CNTN4: variants seen among roughly 807,000 people sequenced by gnomAD.
The protein encoded by CNTN4 is contactin-4.
CNTN4 carries 77 observed loss-of-function variants against 122.5 expected under a neutral mutation model. The ratio of observed to expected loss-of-function variants is 0.63; its 90% CI spans 0.52 to 0.76. CNTN4 has a LOEUF of 0.76. CNTN4 is among the 30% of genes least tolerant of loss of function. The probability of loss-of-function intolerance (pLI) is 0.00; values close to 1 mark genes in which losing one functional copy is unlikely to be tolerated. For missense variants in CNTN4, 1,256 were observed against 1,259.1 expected (o/e 1.00, Z 0.04); for synonymous variants, 512 against 447.0 (o/e 1.15, Z -1.83).
intron 4 of CNTN4, among the ~76,000 whole-genome samples, chr3:2,572,772 C>G (rs1170709360): frequency 6.6e-6 from 1 of 152,168 alleles, no homozygotes; most frequent in African/African-American, 2.4e-5. Flanking sequence ...TAATCCTGAT[C>G]AAAACAGACA....
At chr3:2,188,963 A>G (rs192421505) in intron 2 of CNTN4, among the ~76,000 whole-genome samples, 117 of 152,248 alleles carry the variant, frequency 7.7e-4, no homozygotes, top group Admixed American at 7.6e-3. Context: ...GGGAGATGCT[A>G]TGTACACTGC....
chr3:2,961,987 G>A lies in CNTN4; in HGVS notation c.1359-26358G>A, dbSNP rs188663323. Among the ~76,000 whole-genome samples the A allele has an allele frequency of 5.3e-5, 8 of 152,170 alleles. No homozygotes were observed. In the East Asian group the frequency reaches 1.5e-3, roughly 29 times the overall value. On this transcript the variant is annotated intron_variant, in intron 13 of 24. Transcript: ENST00000418658. ...TTCATCAAAGTCTTTTTAAGCTTGG[G>A]GAAAATAGACTTGTCAAAAACATGT...
intron 13 of CNTN4, among the ~76,000 whole-genome samples, chr3:2,959,303 C>G (rs1289052920): frequency 6.6e-6 from 1 of 152,118 alleles, no homozygotes; most frequent in Non-Finnish European, 1.5e-5. Context: ...GTTTTCAGAG[C>G]AAGTTTTCAG....
In CNTN4 at chr3:2,385,485, T is replaced by C. The variant is rs1189442767; in HGVS notation, c.-89+46252T>C. On this transcript the variant is annotated intron_variant, in intron 3 of 24. Transcript: ENST00000418658. This position sits in a 1 kb window ranked among gnomAD's most constrained non-coding sequence, Gnocchi z 4.0. ...TTAGGACTGCCACAGCAAAGTACCA[T>C]ACACAGGGTGACTTAAAATGACAGA... 2.0e-5 allele frequency among the ~76,000 whole-genome samples: 3 copies of C among 152,082 alleles called. No individual in the cohort carries two copies. The highest frequency in any genetic ancestry group is 4.8e-5 in the African/African-American group (2 of 41,450).
chr3:2,219,199 A>G (rs948666984), intron 2 of CNTN4, among the ~76,000 whole-genome samples: 2 of 152,144 alleles, frequency 1.3e-5, no homozygotes, highest in African/African-American at 2.4e-5. Flanking sequence ...AGGGTTAGTG[A>G]TTTATATTTT....
At chr3:2,126,345 C>T (rs1473112037) in intron 2 of CNTN4, among the ~76,000 whole-genome samples, 1 of 152,128 alleles carries the variant, frequency 6.6e-6, no homozygotes, top group Non-Finnish European at 1.5e-5. Flanking sequence ...TTCAGGGTGT[C>T]ACAGATTTCC....
At chr3:2,459,466 C>G (rs1040524961) in intron 3 of CNTN4, among the ~76,000 whole-genome samples, 1 of 152,032 alleles carries the variant, frequency 6.6e-6, no homozygotes, top group African/African-American at 2.4e-5. Context: ...CATCATTATT[C>G]CATCTACAGC....
intron 2 of CNTN4, among the ~76,000 whole-genome samples, chr3:2,333,522 C>G (rs1044596014): frequency 6.6e-6 from 1 of 152,104 alleles, no homozygotes; most frequent in African/African-American, 2.4e-5. Context: ...TTATTGTACC[C>G]AATGAAAGTC....
intron 2 of CNTN4, among the ~76,000 whole-genome samples, chr3:2,205,524 T>G (rs963005507): frequency 6.6e-6 from 1 of 152,034 alleles, no homozygotes; most frequent in Non-Finnish European, 1.5e-5. Context: ...TGGAACTGGT[T>G]TGGGCCTCAA....
At chr3:2,639,759 A>G (rs2082821392) in intron 4 of CNTN4, among the ~76,000 whole-genome samples, 1 of 152,196 alleles carries the variant, frequency 6.6e-6, no homozygotes, top group Non-Finnish European at 1.5e-5. Flanking sequence ...TACTACTGCT[A>G]TTTCTATAAA....
intron 13 of CNTN4, among the ~76,000 whole-genome samples, chr3:2,957,917 T>C (rs968654729): frequency 1.3e-5 from 2 of 152,210 alleles, no homozygotes; most frequent in African/African-American, 4.8e-5. Flanking sequence ...ATATGTCTTT[T>C]TGGTAGAACC....
intron 6 of CNTN4, among the ~76,000 whole-genome samples, chr3:2,777,343 A>G (rs1456147902): frequency 1.3e-5 from 2 of 152,224 alleles, no homozygotes; most frequent in African/African-American, 2.4e-5. Context: ...ATGGAAAACA[A>G]TGAGAGTTAC....
At chr3:2,722,627 C>G (rs762089022) in intron 4 of CNTN4, among the ~76,000 whole-genome samples, 11 of 152,088 alleles carry the variant, frequency 7.2e-5, no homozygotes, top group Non-Finnish European at 1.6e-4. Context: ...TTTTTCCTCT[C>G]TTTTGATAAG....
At chr3:2,751,137 T>TA (rs1328720565) in intron 6 of CNTN4, among the ~76,000 whole-genome samples, 1 of 45,952 alleles carries the variant, frequency 2.2e-5, no homozygotes, top group African/African-American at 6.9e-5. Context: ...CCATCTCTAC[T>TA]AAAAAAATAC....
intron 3 of CNTN4, among the ~76,000 whole-genome samples, chr3:2,410,055 G>C (rs1214478134): frequency 6.6e-6 from 1 of 152,188 alleles, no homozygotes; most frequent in Non-Finnish European, 1.5e-5. Flanking sequence ...CCTATATGCA[G>C]TTTCATTTAC....
At chr3:3,022,475 AT>A (rs1698387766) in intron 14 of CNTN4, among the ~76,000 whole-genome samples, 1 of 152,204 alleles carries the variant, frequency 6.6e-6, no homozygotes, top group Non-Finnish European at 1.5e-5. Flanking sequence ...AAAACACTTC[AT>A]TTTAGAGACA....
intron 2 of CNTN4, among the ~76,000 whole-genome samples, chr3:2,287,682 GAAGAAGAAGAGGAAGAAGAAGAA>G (rs1559415610): frequency 6.4e-5 from 6 of 93,070 alleles, no homozygotes; most frequent in Admixed American, 1.2e-4. Context: ...AGAAGAAGAA[GAAGAAGAAGAGGAAGAAGAAGAA>G]GAAGAGGAAG....
chr3:2,976,689 C>T (rs554871986), intron 13 of CNTN4, among the ~76,000 whole-genome samples: 1 of 152,234 alleles, frequency 6.6e-6, no homozygotes, highest in Admixed American at 6.5e-5. Context: ...TTGCAATTAC[C>T]ACAAAACAAT....
At chr3:2,100,036 C>A (rs1351555223) in intron 1 of CNTN4, among the ~76,000 whole-genome samples, 1 of 152,170 alleles carries the variant, frequency 6.6e-6, no homozygotes, top group Non-Finnish European at 1.5e-5. Context: ...GAAGATCAGG[C>A]GGTTGCTTGC....
Sources: allele counts gnomAD v4.1 joint callset (sites outside exome capture counted in the v4.1 genomes callset), GRCh38; gene constraint gnomAD v4.1.1; non-coding constraint Gnocchi (gnomAD v3.1); transcripts MANE v1.5; gene names NCBI Gene and HGNC (gene_info 2026-07-23, HGNC 2026-07-21).